The following TAMM41 variants were observed in gnomAD, a reference collection of about 807,000 sequenced individuals.
TAMM41 encodes TAM41 mitochondrial translocator assembly and maintenance homolog.
TAMM41 carries 36 observed loss-of-function variants against 44.1 expected under a neutral mutation model. That is an observed-to-expected ratio of 0.82 (90% CI 0.63 to 1.08). TAMM41 has a LOEUF of 1.08. TAMM41 is among the 50% of genes least tolerant of loss of function. The probability of loss-of-function intolerance (pLI) is 0.00; values close to 1 mark genes in which losing one functional copy is unlikely to be tolerated. For synonymous variants in TAMM41, 164 were observed against 153.1 expected, an observed-to-expected ratio of 1.07 and a Z score of -0.53; for missense variants, 417 against 404.3, an observed-to-expected ratio of 1.03 and a Z score of -0.27.
intron 7 of TAMM41, among the ~76,000 whole-genome samples, chr3:11,797,722 G>A (rs540880727): frequency 1.3e-5 from 2 of 152,124 alleles, no homozygotes; most frequent in Non-Finnish European, 2.9e-5. Context: ...TAGGAAATGG[G>A]AGAAAATTTT....
In TAMM41 at chr3:11,809,616, T is replaced by G; in HGVS notation, c.775A>C (p.Ile259Leu). 6.2e-7 allele frequency: 1 copy of G among 1,614,182 alleles called. No homozygotes were observed. The highest frequency in any genetic ancestry group is 8.5e-7 in the Non-Finnish European group (1 of 1,180,028). ...MTLPKTLQQQ[I>L]NHIMDPPGKN... ...CCAGGAGGGTCCATAATATGATTTA[T>G]CTGTTGCTGTAAGGTTTTGGGCAAT... Residue 259 changes from isoleucine (I) to leucine (L), a missense_variant, in exon 6 of 8, where the codon ATA becomes CTA. Ile to Leu is a conservative substitution (Grantham distance 5). Coordinates refer to ENST00000455809, the MANE Select transcript of TAMM41 (RefSeq NM_001284401.2).
At chr3:11,818,102 C>G (rs1031463459) in intron 4 of TAMM41, among the ~76,000 whole-genome samples, 4 of 152,192 alleles carry the variant, frequency 2.6e-5, no homozygotes, top group Admixed American at 6.5e-5. Flanking sequence ...TGTGAAATCA[C>G]AAGAGGCTGG....
At chr3:11,737,600 G>A in the TAMM41 span, among the ~76,000 whole-genome samples, 3 of 152,186 alleles carry the variant, frequency 2.0e-5, no homozygotes, top group African/African-American at 7.2e-5. Context: ...GATTACAGGT[G>A]TGAGCCACCA....
the TAMM41 span, among the ~76,000 whole-genome samples, chr3:11,747,068 T>C: frequency 1.3e-5 from 2 of 152,180 alleles, no homozygotes; most frequent in Non-Finnish European, 2.9e-5. Context: ...GTGGTAGAAC[T>C]TTATTTATTT....
chr3:11,829,916 C>T, intron 3 of TAMM41, 52 bp from the exon 4 acceptor site: 1 of 1,563,368 alleles, frequency 6.4e-7, no homozygotes, highest in Non-Finnish European at 8.8e-7. Flanking sequence ...GAGTATTGCT[C>T]AAGCATGGGT....
At chr3:11,844,244 A>G (rs2079575481) in intron 1 of TAMM41, 33 bp from the exon 2 acceptor site, 6 of 1,598,652 alleles carry the variant, frequency 3.8e-6, no homozygotes, top group South Asian at 2.2e-5. Flanking sequence ...TAATTTCAGT[A>G]TTAATTCCTA....
the TAMM41 span, among the ~76,000 whole-genome samples, chr3:11,739,542 C>T: frequency 1.3e-5 from 2 of 151,954 alleles, no homozygotes; most frequent in African/African-American, 4.8e-5. Context: ...TGCGGTGGCT[C>T]ACTCCGATAA....
intron 2 of TAMM41, among the ~76,000 whole-genome samples, chr3:11,841,240 A>G (rs303861): frequency 0.38 from 57,848 of 151,560 alleles, 11,983 homozygotes; most frequent in Middle Eastern, 0.55. Context: ...GCACCATCAC[A>G]CCTGACTAAT....
chr3:11,785,583 C>T (rs2124902173), downstream of TAMM41, among the ~76,000 whole-genome samples: 1 of 152,244 alleles, frequency 6.6e-6, no homozygotes, highest in African/African-American at 2.4e-5. Flanking sequence ...CTCGGCCTCC[C>T]AAAATGCTGG....
the TAMM41 span, among the ~76,000 whole-genome samples, chr3:11,731,457 T>G: frequency 2.0e-5 from 3 of 152,036 alleles, no homozygotes; most frequent in African/African-American, 4.8e-5. Context: ...ATGGTGCCCC[T>G]GCATTCCAGC....
chr3:11,846,809 G>A lies in TAMM41; in HGVS notation c.-173C>T. ...GCACACGCAAGGATTGGGGCGTTGGGCCACGAAGAGCAGCGGCGAGAAGAC... is the reference window on the plus strand; with the variant it reads ...GCACACGCAAGGATTGGGGCGTTGGACCACGAAGAGCAGCGGCGAGAAGAC... On this transcript the variant is annotated 5_prime_UTR_variant, in exon 1 of 8. Transcript: ENST00000455809. 2 of 787,994 alleles carry A rather than the reference G, an allele frequency of 2.5e-6. No homozygotes were observed. The highest frequency in any genetic ancestry group is 4.0e-6 in the Non-Finnish European group (2 of 504,806). 48.8% of individuals were successfully genotyped at this position (787,994 alleles called of 1,614,324 possible).
At chr3:11,790,960 C>G (rs1339695492) in intron 7 of TAMM41, among the ~76,000 whole-genome samples, 1 of 152,230 alleles carries the variant, frequency 6.6e-6, no homozygotes, top group Non-Finnish European at 1.5e-5. Context: ...CCCCACCTCA[C>G]TGTCTCTATG....
chr3:11,760,447 T>A, the TAMM41 span, among the ~76,000 whole-genome samples: 1 of 152,240 alleles, frequency 6.6e-6, no homozygotes, highest in African/African-American at 2.4e-5. Flanking sequence ...TCTAATTTCT[T>A]CCAATTTTAA....
chr3:11,793,318 C>T lies in TAMM41; in HGVS notation c.938-2737G>A, dbSNP rs118169546. ...TGTAAATTAAAAGATCAATATGGTA[C>T]CACTAGTCACCCACTAGAGTGCCTA... On this transcript the variant is annotated intron_variant, in intron 7 of 7. Transcript: ENST00000455809. Among the ~76,000 whole-genome samples the T allele has an allele frequency of 2.6e-5, 4 of 152,260 alleles. No homozygotes were observed. In the East Asian group the frequency reaches 7.7e-4, roughly 29 times the overall value.
the TAMM41 span, among the ~76,000 whole-genome samples, chr3:11,769,084 G>A: frequency 1.5e-4 from 23 of 152,252 alleles, no homozygotes; most frequent in South Asian, 3.7e-3. Flanking sequence ...ACGTCATGAA[G>A]AGCCTCACTA....
At chr3:11,796,787 C>T (rs2077616623) in intron 7 of TAMM41, among the ~76,000 whole-genome samples, 1 of 152,252 alleles carries the variant, frequency 6.6e-6, no homozygotes, top group South Asian at 2.1e-4. Context: ...AAAGCTCCTT[C>T]AGCTGATAAA....
chr3:11,728,598 G>C, the TAMM41 span, among the ~76,000 whole-genome samples: 2 of 152,312 alleles, frequency 1.3e-5, no homozygotes, highest in Non-Finnish European at 2.9e-5. Flanking sequence ...AACTGGATGG[G>C]GTCCACGATG....
intron 4 of TAMM41, among the ~76,000 whole-genome samples, chr3:11,822,842 C>G (rs971657199): frequency 6.6e-6 from 1 of 152,152 alleles, no homozygotes; most frequent in Non-Finnish European, 1.5e-5. Context: ...AATAATGCTG[C>G]TACGTACAAG....
At position 11,839,232 on chromosome 3, in the gene TAMM41, A is replaced by G. The variant is rs1230268288; in HGVS notation, c.401T>C (p.Leu134Pro). ...NWNNLYIAGR[L>P]QKPVKIISVN... is the part of the protein sequence containing the mutation. ...CTATAAAACACTCACCGGTTTTTGG[A>G]GTCGTCCAGCAATGTATAAGTTATT... The change falls in exon 3 of 8, where the codon CTC becomes CCC. Residue 134 changes from leucine to proline, a missense_variant. Physicochemically the swap from Leu to Pro is moderately conservative, Grantham distance 98. Coordinates refer to ENST00000455809, the MANE Select transcript of TAMM41 (RefSeq NM_001284401.2). 6.2e-7 allele frequency: 1 copy of G among 1,611,968 alleles called. No homozygotes were observed. Among genetic ancestry groups the G allele is most frequent in the Non-Finnish European group, 8.5e-7 (1 of 1,178,486 alleles).
Sources: gnomAD v4.1 joint callset for allele counts (sites outside exome capture counted in the v4.1 genomes callset) on GRCh38, gnomAD v4.1.1 for gene constraint, MANE v1.5 for transcripts, NCBI Gene and HGNC (gene_info 2026-07-23, HGNC 2026-07-21) for gene names.